Variants in KCNK9 observed in about 807,000 individuals in gnomAD.
KCNK9 encodes the protein potassium channel subfamily K member 9.
A neutral mutation model predicts 10.8 loss-of-function variants in KCNK9; 1 was observed. That is an observed-to-expected ratio of 0.09 (90% CI 0.03 to 0.44). The LOEUF is 0.44. Ranked by LOEUF, KCNK9 falls within the 20% of genes least tolerant of loss-of-function variation. The pLI is 0.97. For synonymous variants in KCNK9, 231 were observed against 222.7 expected, an observed-to-expected ratio of 1.04 and a Z score of -0.33; for missense variants, 303 against 515.0, an observed-to-expected ratio of 0.59 and a Z score of 3.98.
chr8:139,619,773 G>A (rs1365418166), intron 1 of KCNK9, among the ~76,000 whole-genome samples: 1 of 152,190 alleles, frequency 6.6e-6, no homozygotes, highest in Non-Finnish European at 1.5e-5. Flanking sequence ...CAGAGACTTT[G>A]AATCAAGAGA....
intron 1 of KCNK9, among the ~76,000 whole-genome samples, chr8:139,629,390 G>A (rs897075829): frequency 2.6e-5 from 4 of 152,220 alleles, no homozygotes; most frequent in Non-Finnish European, 2.9e-5. Flanking sequence ...ACATCTAGGC[G>A]TGTCACTGAA....
At chr8:139,637,784 C>CACACACACACACACACACAA (rs3222953) in intron 1 of KCNK9, among the ~76,000 whole-genome samples, 1 of 148,348 alleles carries the variant, frequency 6.7e-6, no homozygotes, top group Non-Finnish European at 1.5e-5. Context: ...CACACACACA[C>CACACACACACACACACACAA]AATAATAGTA....
intron 1 of KCNK9, among the ~76,000 whole-genome samples, chr8:139,662,586 T>A (rs1816184595): frequency 6.6e-6 from 1 of 152,104 alleles, no homozygotes; most frequent in Admixed American, 6.5e-5. Flanking sequence ...TGGCCTGGAC[T>A]GGACAGGCCT....
chr8:139,627,995 G>T (rs939524004), intron 1 of KCNK9, among the ~76,000 whole-genome samples: 1 of 152,266 alleles, frequency 6.6e-6, no homozygotes, highest in African/African-American at 2.4e-5. Flanking sequence ...TTTTTAAAAT[G>T]TGGTATCTAA....
At chr8:139,643,688 G>A (rs1815580635) in intron 1 of KCNK9, among the ~76,000 whole-genome samples, 1 of 152,124 alleles carries the variant, frequency 6.6e-6, no homozygotes, top group Non-Finnish European at 1.5e-5. Flanking sequence ...CCACGCTGCT[G>A]GCAGCCCCCA....
chr8:139,700,733 C>A (rs1817199391), intron 1 of KCNK9, among the ~76,000 whole-genome samples: 1 of 152,204 alleles, frequency 6.6e-6, no homozygotes, highest in Non-Finnish European at 1.5e-5. Flanking sequence ...TTGACAGCTT[C>A]TCTTTGGAGT....
At chr8:139,663,615 C>T (rs778602356) in intron 1 of KCNK9, among the ~76,000 whole-genome samples, 9 of 150,210 alleles carry the variant, frequency 6.0e-5, no homozygotes, top group African/African-American at 2.0e-4. Flanking sequence ...CAGGCATTCA[C>T]GTTTTCCCCC....
At chr8:139,668,213 G>A (rs930931414) in intron 1 of KCNK9, among the ~76,000 whole-genome samples, 5 of 151,962 alleles carry the variant, frequency 3.3e-5, no homozygotes, top group Non-Finnish European at 7.4e-5. Flanking sequence ...GGAGGGAGAG[G>A]AGCAAAAAAA....
chr8:139,649,529 AC>A (rs1451933239), intron 1 of KCNK9, among the ~76,000 whole-genome samples: 11 of 151,732 alleles, frequency 7.2e-5, no homozygotes, highest in Non-Finnish European at 1.3e-4. Flanking sequence ...CTTACCACCC[AC>A]CCCTGAGATA....
rs1490424872 is a variant in KCNK9, at chr8:139,703,073, C to T, written c.-81G>A. The T allele has an allele frequency of 2.4e-6, 3 of 1,243,362 alleles. No individual in the cohort carries two copies. The highest frequency in any genetic ancestry group is 3.0e-6 in the Non-Finnish European group (3 of 984,110). 77.0% of individuals were successfully genotyped at this position (1,243,362 alleles called of 1,614,324 possible). On this transcript the variant is annotated 5_prime_UTR_variant, in exon 1 of 2. Transcript: ENST00000520439. This position sits in a 1 kb window ranked among gnomAD's most constrained non-coding sequence, Gnocchi z 6.4. ...GCGTCCCACTGCAGCGCCCGGCGGC[C>T]GCCGCCGCCTCCTCCTCCGCCGCCG... is the stretch of plus-strand genomic sequence containing the variant.
Position 139,617,267 on chromosome 8 carries a change from A to AATC in KCNK9, c.*988_*990dup, listed in dbSNP as rs1171140035. Among the ~76,000 whole-genome samples, 1 of 152,200 alleles carries AATC rather than the reference A, an allele frequency of 6.6e-6. No homozygotes were observed. Among genetic ancestry groups the AATC allele is most frequent in the Non-Finnish European group, 1.5e-5 (1 of 68,040 alleles). ...TTTATGCAGGGTAGGTGCTGCACAA[A>AATC]ATCATCAATAAGAGGGAAATAGATA... On this transcript the variant is annotated 3_prime_UTR_variant, in exon 2 of 2. Transcript: ENST00000520439.
rs1554621781 is a variant in KCNK9 at position 139,641,634 on chromosome 8, C to CCT, written c.284-22536_284-22535insAG. On this transcript the variant is annotated intron_variant, in intron 1 of 1. Transcript: ENST00000520439. Reference sequence around the variant, plus strand: ...TCTGCCCCAGCGCTCTGGCCTGCCCCCCCCCCGCACTTTCTGCTACACACC... The same window carrying CCT: ...TCTGCCCCAGCGCTCTGGCCTGCCCCCTCCCCCCGCACTTTCTGCTACACACC... 2.6e-3 allele frequency among the ~76,000 whole-genome samples: 142 copies of CCT among 55,238 alleles called. 1 individual carries two copies. The highest frequency in any genetic ancestry group is 8.5e-3 in the African/African-American group (134 of 15,732). 36.2% of individuals were successfully genotyped at this position (55,238 alleles called of 152,430 possible).
intron 2 of KCNK9, among the ~76,000 whole-genome samples, chr8:139,604,146 C>T (rs142540670): frequency 6.6e-5 from 10 of 152,282 alleles, no homozygotes; most frequent in Non-Finnish European, 1.2e-4. Context: ...CTCTCCAGGG[C>T]GCAGACTCTG....
downstream of KCNK9, among the ~76,000 whole-genome samples, chr8:139,614,186 G>A (rs148698456): frequency 3.1e-3 from 469 of 152,290 alleles, 3 homozygotes; most frequent in African/African-American, 0.011. Flanking sequence ...ATATGGATGA[G>A]GCAGAGAAAA....
chr8:139,629,832 G>C (rs970863265), intron 1 of KCNK9, among the ~76,000 whole-genome samples: 1 of 152,180 alleles, frequency 6.6e-6, no homozygotes, highest in Non-Finnish European at 1.5e-5. Context: ...CTTCACTCAT[G>C]TGACCCCATT....
chr8:139,619,227 T>C (rs1814701042), intron 1 of KCNK9, 128 bp from the exon 2 acceptor site: 1 of 1,079,018 alleles, frequency 9.3e-7, no homozygotes. Context: ...GAATTTCCTC[T>C]GCAGGGTAGA....
chr8:139,642,538 T>A (rs1815534667), intron 1 of KCNK9, among the ~76,000 whole-genome samples: 1 of 152,226 alleles, frequency 6.6e-6, no homozygotes, highest in South Asian at 2.1e-4. Context: ...CCGCAGGAAG[T>A]CATCCTGAAA....
intron 1 of KCNK9, among the ~76,000 whole-genome samples, chr8:139,681,496 C>T (rs1816686695): frequency 6.6e-6 from 1 of 152,234 alleles, no homozygotes; most frequent in South Asian, 2.1e-4. Context: ...AGGGCGGAGC[C>T]CGGTGGGTGA....
chr8:139,689,250 C>A (rs1362129491), intron 1 of KCNK9, among the ~76,000 whole-genome samples: 1 of 152,214 alleles, frequency 6.6e-6, no homozygotes, highest in Admixed American at 6.5e-5. Context: ...GTAATGGCAG[C>A]CCCAGCAAAC....
Sources: gnomAD v4.1 joint callset for allele counts (sites outside exome capture counted in the v4.1 genomes callset) on GRCh38, gnomAD v4.1.1 for gene constraint, Gnocchi (gnomAD v3.1) non-coding constraint, MANE v1.5 for transcripts, NCBI Gene and HGNC (gene_info 2026-07-23, HGNC 2026-07-21) for gene names.